Variants in GALNT13 observed in about 807,000 individuals in gnomAD.
GALNT13 encodes the protein polypeptide N-acetylgalactosaminyltransferase 13, also known as UDP-GalNAc:polypeptide N-acetylgalactosaminyltransferase 13.
In GALNT13, 28 loss-of-function variants were observed where a neutral mutation model predicts 64.2. The observed-to-expected ratio is 0.44, with a 90% CI of 0.32 to 0.60. The LOEUF is 0.60. GALNT13 is among the 20% of genes least tolerant of loss of function. The pLI is 0.05. For synonymous variants in GALNT13, 214 were observed against 224.6 expected (o/e 0.95, Z 0.42); for missense variants, 577 against 669.8 (o/e 0.86, Z 1.53).
the GALNT13 span, among the ~76,000 whole-genome samples, chr2:153,425,917 A>C: frequency 3.9e-5 from 6 of 151,952 alleles, no homozygotes; most frequent in African/African-American, 1.4e-4. Flanking sequence ...TTCCTTCAGC[A>C]GTAATTATTC....
At chr2:153,648,513 G>A in the GALNT13 span, among the ~76,000 whole-genome samples, 12 of 152,252 alleles carry the variant, frequency 7.9e-5, no homozygotes, top group Non-Finnish European at 1.8e-4. Context: ...TTGAATAGGA[G>A]TGGTGAGAGA....
chr2:154,287,661 C>T (rs1034738558), intron 8 of GALNT13, among the ~76,000 whole-genome samples: 1 of 151,894 alleles, frequency 6.6e-6, no homozygotes, highest in Non-Finnish European at 1.5e-5. Context: ...TTCCTATCTC[C>T]GTTTTAACGT....
chr2:153,204,167 T>G, the GALNT13 span, among the ~76,000 whole-genome samples: 1 of 152,316 alleles, frequency 6.6e-6, no homozygotes, highest in East Asian at 1.9e-4. Flanking sequence ...CCAGTAACTT[T>G]AGGAAACTCC....
chr2:154,330,774 T>C (rs569463054), intron 9 of GALNT13, among the ~76,000 whole-genome samples: 20 of 152,204 alleles, frequency 1.3e-4, no homozygotes, highest in Non-Finnish European at 2.5e-4. Flanking sequence ...CTGTCTAATA[T>C]AGTGAACCTG....
the GALNT13 span, among the ~76,000 whole-genome samples, chr2:153,593,517 G>A: frequency 1.3e-5 from 2 of 152,078 alleles, no homozygotes; most frequent in Non-Finnish European, 2.9e-5. Flanking sequence ...AAGACAAAGG[G>A]CAACAATCTT....
the GALNT13 span, chr2:153,371,157 A>G: frequency 6.6e-6 from 1 of 152,462 alleles, no homozygotes; most frequent in Admixed American, 6.5e-5. Flanking sequence ...TATGATATCA[A>G]CTTCTAGAAA....
At chr2:153,478,415 G>A in the GALNT13 span, 6 of 1,614,130 alleles carry the variant, frequency 3.7e-6, no homozygotes, top group African/African-American at 1.3e-5. Context: ...ATTATGTACA[G>A]GCTACGCTCG....
At chr2:153,994,956 T>A (rs976330614) in intron 3 of GALNT13, among the ~76,000 whole-genome samples, 4 of 152,112 alleles carry the variant, frequency 2.6e-5, no homozygotes, top group African/African-American at 7.2e-5. Context: ...TTAGAGTTGA[T>A]CAACAATTTC....
the GALNT13 span, among the ~76,000 whole-genome samples, chr2:153,623,647 G>T: frequency 6.6e-6 from 1 of 151,724 alleles, no homozygotes; most frequent in African/African-American, 2.4e-5. Context: ...ATTATTATGG[G>T]ACTATTGTGA....
the GALNT13 span, among the ~76,000 whole-genome samples, chr2:153,188,133 TATC>T: frequency 2.0e-5 from 3 of 152,050 alleles, no homozygotes; most frequent in Non-Finnish European, 2.9e-5. Flanking sequence ...ATTGTTTCCT[TATC>T]ATATTAATTT....
the GALNT13 span, among the ~76,000 whole-genome samples, chr2:153,662,773 G>A: frequency 6.6e-6 from 1 of 152,140 alleles, no homozygotes; most frequent in Non-Finnish European, 1.5e-5. Context: ...TGTGAATGAA[G>A]CAAACATGCT....
the GALNT13 span, among the ~76,000 whole-genome samples, chr2:153,132,262 C>G: frequency 3.9e-5 from 6 of 152,140 alleles, no homozygotes; most frequent in Non-Finnish European, 7.4e-5. Flanking sequence ...AATAGAAGCA[C>G]AAAGAGCAAG....
At chr2:153,329,413 T>G in the GALNT13 span, among the ~76,000 whole-genome samples, 1 of 152,224 alleles carries the variant, frequency 6.6e-6, no homozygotes, top group Non-Finnish European at 1.5e-5. Context: ...AGAATTCCCT[T>G]TTCTCCACAG....
intron 3 of GALNT13, among the ~76,000 whole-genome samples, chr2:153,993,610 T>C (rs1279525232): frequency 1.3e-5 from 2 of 148,762 alleles, no homozygotes; most frequent in Non-Finnish European, 3.0e-5. Context: ...GGCAGGAGAA[T>C]GTGTGAACTT....
At chr2:154,431,087 C>T (rs1700690673) in intron 11 of GALNT13, among the ~76,000 whole-genome samples, 1 of 152,104 alleles carries the variant, frequency 6.6e-6, no homozygotes, top group Non-Finnish European at 1.5e-5. Flanking sequence ...CCCACAGTAT[C>T]TCTGAAGTTT....
intron 1 of GALNT13, among the ~76,000 whole-genome samples, chr2:153,898,776 A>G (rs931484626): frequency 6.6e-6 from 1 of 151,028 alleles, no homozygotes; most frequent in African/African-American, 2.4e-5. Flanking sequence ...AGTGAAATGT[A>G]GTATTGTAAG....
At chr2:153,444,117 T>G in the GALNT13 span, among the ~76,000 whole-genome samples, 1 of 152,192 alleles carries the variant, frequency 6.6e-6, no homozygotes, top group Admixed American at 6.5e-5. Flanking sequence ...TCTACATATC[T>G]GTCATCTATC....
At chr2:153,251,798 A>G in the GALNT13 span, among the ~76,000 whole-genome samples, 19 of 151,772 alleles carry the variant, frequency 1.3e-4, 1 homozygote, top group East Asian at 3.5e-3. Flanking sequence ...AAGGACATGA[A>G]CTCATCATTT....
chr2:153,529,343 C>T, the GALNT13 span, among the ~76,000 whole-genome samples: 1 of 151,934 alleles, frequency 6.6e-6, no homozygotes, highest in African/African-American at 2.4e-5. Flanking sequence ...ACAGATATGA[C>T]CTGCCCAGAG....
Sources: allele counts gnomAD v4.1 joint callset (sites outside exome capture counted in the v4.1 genomes callset), GRCh38; gene constraint gnomAD v4.1.1; transcripts MANE v1.5; gene names NCBI Gene and HGNC (gene_info 2026-07-23, HGNC 2026-07-21).